ESR1: variants seen among roughly 807,000 people sequenced by gnomAD.
The protein encoded by ESR1 is estrogen receptor 1, also known as estrogen receptor.
A neutral mutation model predicts 52.7 loss-of-function variants in ESR1; 12 were observed. The ratio of observed to expected loss-of-function variants is 0.23; its 90% confidence interval spans 0.15 to 0.37. The LOEUF (loss-of-function observed/expected upper bound fraction) is 0.37. ESR1 is among the 10% of genes least tolerant of loss of function. The probability of loss-of-function intolerance (pLI) is 1.00; values close to 1 mark genes in which losing one functional copy is unlikely to be tolerated. For missense variants in ESR1, 584 were observed against 779.7 expected (o/e 0.75, Z 2.99); for synonymous variants, 305 against 316.8 (o/e 0.96, Z 0.39).
At chr6:152,021,899 T>A (rs1244214532) in intron 5 of ESR1, among the ~76,000 whole-genome samples, 1 of 152,160 alleles carries the variant, frequency 6.6e-6, no homozygotes, top group African/African-American at 2.4e-5. Context: ...ATGCAAGACA[T>A]CCCTTTGCTC....
At chr6:151,789,052 T>G (rs1200706133) in intron 2 of ESR1, among the ~76,000 whole-genome samples, 3 of 152,060 alleles carry the variant, frequency 2.0e-5, no homozygotes, top group Non-Finnish European at 4.4e-5. Flanking sequence ...CAAACCCCCA[T>G]GACACAAGTT....
At chr6:152,029,659 G>A (rs947547424) in intron 5 of ESR1, among the ~76,000 whole-genome samples, 38 of 152,142 alleles carry the variant, frequency 2.5e-4, no homozygotes, top group Admixed American at 5.9e-4. Flanking sequence ...CCAAATCTAC[G>A]TCTGATTGGT....
In ESR1 at chr6:151,994,622, G is replaced by C. The variant is rs1250397723; in HGVS notation, c.1097-17034G>C. On this transcript the variant is annotated intron_variant, in intron 4 of 7. Transcript: ENST00000206249. ...TCCTTGTTGTTCCATCTGTGACAGT[G>C]GGCAGTGTCCAAAATGAGTCTCTTC... Among the ~76,000 whole-genome samples, 6 of 152,146 alleles carry C rather than the reference G, an allele frequency of 3.9e-5. No homozygotes were observed. In the East Asian group the frequency reaches 1.2e-3, roughly 29 times the overall value.
intron 6 of ESR1, among the ~76,000 whole-genome samples, chr6:152,090,308 A>G (rs536120810): frequency 6.6e-6 from 1 of 152,304 alleles, no homozygotes; most frequent in South Asian, 2.1e-4. Flanking sequence ...TGACTTGAGG[A>G]ATTTTCTTCA....
chr6:151,736,658 C>T (rs1235515346), intron 2 of ESR1, among the ~76,000 whole-genome samples: 3 of 152,060 alleles, frequency 2.0e-5, no homozygotes, highest in Non-Finnish European at 2.9e-5. Context: ...GTATTACAGG[C>T]GTGAGCCACC....
intron 6 of ESR1, among the ~76,000 whole-genome samples, chr6:152,115,266 AAT>A (rs1489141386): frequency 1.3e-5 from 2 of 152,216 alleles, no homozygotes; most frequent in Non-Finnish European, 1.5e-5. Context: ...ATTTTATAAA[AAT>A]AGTTACGCCA....
intron 3 of ESR1, among the ~76,000 whole-genome samples, chr6:151,917,868 A>G (rs549679480): frequency 1.7e-4 from 26 of 152,358 alleles, no homozygotes; most frequent in African/African-American, 5.5e-4. Flanking sequence ...TAATTTGCCA[A>G]TATGATTGAG....
chr6:152,016,768 G>A (rs1184932978), intron 5 of ESR1, among the ~76,000 whole-genome samples: 1 of 152,154 alleles, frequency 6.6e-6, no homozygotes, highest in Non-Finnish European at 1.5e-5. Context: ...AAAGCTAAGT[G>A]GTTGACAGCT....
Position 151,870,907 on chromosome 6 carries a change from A to G in ESR1, c.644-9748A>G, listed in dbSNP as rs1790829111. 2.0e-5 allele frequency among the ~76,000 whole-genome samples: 3 copies of G among 151,764 alleles called. No homozygotes were observed. The South Asian group carries it at 6.2e-4, about 31-fold the overall frequency. On this transcript the variant is annotated intron_variant, in intron 2 of 7. Coordinates refer to ENST00000206249, the MANE Select transcript of ESR1 (RefSeq NM_000125.4). ...CACTCTGTCCCCCAGGCTGAAGTGC[A>G]GTGGCACAACCACAGCTCAGGGCAA...
At chr6:151,785,455 A>T (rs149121784) in intron 2 of ESR1, among the ~76,000 whole-genome samples, 1 of 152,226 alleles carries the variant, frequency 6.6e-6, no homozygotes, top group Non-Finnish European at 1.5e-5. Context: ...TTATTATCCA[A>T]TGAATCCTGA....
At chr6:151,659,344 T>C (rs959776569) in intron 1 of ESR1, among the ~76,000 whole-genome samples, 3 of 152,192 alleles carry the variant, frequency 2.0e-5, no homozygotes, top group African/African-American at 4.8e-5. Context: ...TTAGAGGAGA[T>C]GACTAGTCCC....
intron 5 of ESR1, among the ~76,000 whole-genome samples, chr6:152,013,243 C>G (rs1339189979): frequency 1.3e-5 from 2 of 151,764 alleles, no homozygotes; most frequent in Non-Finnish European, 2.9e-5. Flanking sequence ...TTTCCTCTTT[C>G]TTTCTTTCTC....
chr6:151,808,795 A>G (rs1275698239), intron 1 of ESR1, among the ~76,000 whole-genome samples: 2 of 152,194 alleles, frequency 1.3e-5, no homozygotes, highest in African/African-American at 2.4e-5. Flanking sequence ...AGCAGAGCTC[A>G]GCAGAGTTTT....
intron 4 of ESR1, chr6:151,984,204 T>A (rs1439684048): frequency 6.6e-6 from 1 of 152,152 alleles, no homozygotes; most frequent in African/African-American, 2.4e-5. Context: ...ATCCTTCTAG[T>A]TGTAGGAGGC....
At chr6:151,988,004 T>C (rs903276815) in intron 4 of ESR1, among the ~76,000 whole-genome samples, 1 of 152,132 alleles carries the variant, frequency 6.6e-6, no homozygotes, top group African/African-American at 2.4e-5. Flanking sequence ...CAGTATAGTT[T>C]TAAAGCAGCA....
chr6:152,031,508 C>T (rs182270213), intron 5 of ESR1, among the ~76,000 whole-genome samples: 518 of 152,264 alleles, frequency 3.4e-3, no homozygotes, highest in Middle Eastern at 0.014. Context: ...ATACTATAAA[C>T]ACCTCTACAC....
chr6:151,759,268 CAAAAAAAA>C lies in ESR1; in HGVS notation c.-70-48561_-70-48554del, dbSNP rs984171376. 6.0e-5 allele frequency among the ~76,000 whole-genome samples: 4 copies of C among 66,434 alleles called. No individual in the cohort carries two copies. In the Admixed American group the frequency reaches 6.8e-4, roughly 11 times the overall value. 43.6% of individuals were successfully genotyped at this position (66,434 alleles called of 152,430 possible). On this transcript the variant is annotated intron_variant, in intron 2 of 2. Coordinates refer to the ESR1 transcript ENST00000404742. ...CCAGCATGGCGACTGGACTCTGTCT[CAAAAAAAA>C]AAAAAAAAAAAAAGAAAACCAAACA...
intron 1 of ESR1, among the ~76,000 whole-genome samples, chr6:151,820,840 C>G (rs566052314): frequency 3.9e-5 from 6 of 152,092 alleles, no homozygotes; most frequent in Non-Finnish European, 8.8e-5. Context: ...ATATCAGAAG[C>G]CAATAAATGA....
chr6:151,765,866 G>A (rs1451263463), intron 2 of ESR1, among the ~76,000 whole-genome samples: 2 of 152,190 alleles, frequency 1.3e-5, no homozygotes, highest in African/African-American at 2.4e-5. Flanking sequence ...TAGGGTGAGA[G>A]GAGAAAGGGG....
Sources: allele counts gnomAD v4.1 joint callset (sites outside exome capture counted in the v4.1 genomes callset), GRCh38; gene constraint gnomAD v4.1.1; transcripts MANE v1.5; gene names NCBI Gene and HGNC (gene_info 2026-07-23, HGNC 2026-07-21).